The following COL11A1 variants were observed in gnomAD, a reference collection of about 807,000 sequenced individuals.
COL11A1 encodes collagen alpha-1(XI) chain.
COL11A1 carries 74 observed loss-of-function variants against 265.2 expected under a neutral mutation model. That is an observed-to-expected ratio of 0.28 (90% CI 0.23 to 0.34). The LOEUF (loss-of-function observed/expected upper bound fraction) is 0.34. Ranked by LOEUF, COL11A1 falls within the 10% of genes least tolerant of loss-of-function variation. The pLI, the probability that COL11A1 is intolerant of heterozygous loss-of-function variation, is 1.00. For synonymous variants in COL11A1, 816 were observed against 727.6 expected (o/e 1.12, Z -1.96); for missense variants, 2,165 against 2,263.6 (o/e 0.96, Z 0.88).
intron 3 of COL11A1, among the ~76,000 whole-genome samples, chr1:103,076,405 A>T (rs1412849065): frequency 6.6e-6 from 1 of 152,074 alleles, no homozygotes. Flanking sequence ...TAAAACTATC[A>T]AATACAATAC....
intron 4 of COL11A1, among the ~76,000 whole-genome samples, chr1:103,058,419 G>C (rs1670402482): frequency 1.3e-5 from 2 of 152,176 alleles, no homozygotes; most frequent in African/African-American, 4.8e-5. Context: ...ATGTTCACTA[G>C]AGTAGTACTT....
At chr1:103,104,558 C>T (rs1444688152) in intron 1 of COL11A1, among the ~76,000 whole-genome samples, 1 of 152,030 alleles carries the variant, frequency 6.6e-6, no homozygotes, top group Non-Finnish European at 1.5e-5. Flanking sequence ...TATAAAGTAT[C>T]CCCTCAGTTA....
intron 35 of COL11A1, among the ~76,000 whole-genome samples, chr1:102,978,169 C>A (rs1004075447): frequency 5.3e-5 from 8 of 152,042 alleles, no homozygotes; most frequent in African/African-American, 1.9e-4. Flanking sequence ...GCCAAAAAAT[C>A]CAAACAAAGG....
At chr1:102,976,015 T>G (rs923206000) in intron 35 of COL11A1, among the ~76,000 whole-genome samples, 2 of 152,198 alleles carry the variant, frequency 1.3e-5, no homozygotes, top group Non-Finnish European at 2.9e-5. Context: ...CTTAGGAACT[T>G]ACAAAATTTT....
At chr1:102,931,416 T>G (rs529569265) in intron 46 of COL11A1, among the ~76,000 whole-genome samples, 280 of 151,256 alleles carry the variant, frequency 1.9e-3, no homozygotes, top group Non-Finnish European at 3.6e-3. Flanking sequence ...AGTGAGATTC[T>G]TAATCCTGAG....
intron 44 of COL11A1, 147 bp from the exon 45 acceptor site, chr1:102,935,260 C>G (rs1283687591): frequency 1.5e-6 from 1 of 659,164 alleles, no homozygotes; most frequent in African/African-American, 1.8e-5. Context: ...TTTGCATTTA[C>G]TGCAATCATT....
chr1:102,936,116 G>GATAA (rs1658114670), intron 44 of COL11A1, among the ~76,000 whole-genome samples: 1 of 151,830 alleles, frequency 6.6e-6, no homozygotes, highest in East Asian at 1.9e-4. Context: ...TATTGATGAG[G>GATAA]CTTTGAAAGT....
At chr1:103,073,640 T>C (rs12735139) in intron 4 of COL11A1, among the ~76,000 whole-genome samples, 7,889 of 151,900 alleles carry the variant, frequency 0.052, 217 homozygotes, top group Middle Eastern at 0.092. Flanking sequence ...AAATAAATAA[T>C]ATGGAACTTT....
intron 38 of COL11A1, among the ~76,000 whole-genome samples, chr1:102,963,671 G>A (rs933047206): frequency 2.6e-5 from 4 of 151,814 alleles, no homozygotes; most frequent in African/African-American, 9.7e-5. Context: ...CTTGGATAAG[G>A]TATACACCTG....
intron 20 of COL11A1, among the ~76,000 whole-genome samples, chr1:103,003,600 C>T (rs140618271): frequency 3.9e-5 from 6 of 152,078 alleles, no homozygotes; most frequent in South Asian, 2.1e-4. Flanking sequence ...GTGACAGCAT[C>T]GAACATTATT....
At chr1:102,978,978 T>G in intron 33 of COL11A1, 65 bp from the exon 34 acceptor site, 1 of 1,609,896 alleles carries the variant, frequency 6.2e-7, no homozygotes, top group South Asian at 1.1e-5. Flanking sequence ...ACTAAATCAA[T>G]TTTTATTTTT....
intron 20 of COL11A1, among the ~76,000 whole-genome samples, chr1:103,003,810 T>C (rs77381436): frequency 0.012 from 1,846 of 152,214 alleles, 45 homozygotes; most frequent in African/African-American, 0.042. Context: ...CTCTTCTTTT[T>C]CCCCCTCCTG....
At chr1:103,035,144 C>A (rs1668264439) in intron 4 of COL11A1, among the ~76,000 whole-genome samples, 1 of 152,038 alleles carries the variant, frequency 6.6e-6, no homozygotes, top group African/African-American at 2.4e-5. Flanking sequence ...CAAAGTCAAC[C>A]ATATTTGAAA....
chr1:102,935,110 G>C lies in COL11A1; in HGVS notation c.3442C>G (p.Pro1148Ala), dbSNP rs764581778. The change falls in exon 45 of 67, where the codon CCT becomes GCT. Residue 1148 changes from proline (P) to alanine (A), a missense_variant. Transcript: ENST00000370096. ...CCTTGAAGACCTGGGGGACCGGGAG[G>C]GCCCTGCAGTGAGATAAAAATAAGT... ...GSKGDKGENG[P>A]PGPPGLQGPV... is the part of the protein sequence containing the mutation. 1.2e-6 allele frequency: 2 copies of C among 1,613,842 alleles called. No individual in the cohort carries two copies. The highest frequency in any genetic ancestry group is 4.5e-5 in the East Asian group (2 of 44,858).
At chr1:102,984,219 G>A in intron 30 of COL11A1, 28 bp from the exon 31 acceptor site, 1 of 1,421,750 alleles carries the variant, frequency 7.0e-7, no homozygotes, top group Non-Finnish European at 9.8e-7. Context: ...AATAATCAAA[G>A]TAATATTTTA....
intron 1 of COL11A1, among the ~76,000 whole-genome samples, chr1:103,094,035 C>A (rs1673543557): frequency 6.6e-6 from 1 of 152,066 alleles, no homozygotes; most frequent in South Asian, 2.1e-4. Flanking sequence ...CAATAAATTC[C>A]TCCTGAAGAA....
chr1:103,019,309 G>T (rs901149710), intron 9 of COL11A1, among the ~76,000 whole-genome samples: 1 of 151,942 alleles, frequency 6.6e-6, no homozygotes, highest in Non-Finnish European at 1.5e-5. Flanking sequence ...AAAAATCCAG[G>T]CAAAAGGAAA....
chr1:102,955,076 G>A (rs1660241557), intron 41 of COL11A1, among the ~76,000 whole-genome samples: 1 of 152,108 alleles, frequency 6.6e-6, no homozygotes, highest in African/African-American at 2.4e-5. Flanking sequence ...CTAGTTGGAT[G>A]TAATCATAGT....
intron 46 of COL11A1, 141 bp from the exon 47 acceptor site, chr1:102,923,530 T>C: frequency 3.0e-6 from 2 of 670,860 alleles, no homozygotes; most frequent in East Asian, 2.8e-5. Flanking sequence ...TTTGTTAAAA[T>C]ACCTACTATG....
Sources: allele counts gnomAD v4.1 joint callset (sites outside exome capture counted in the v4.1 genomes callset), GRCh38; gene constraint gnomAD v4.1.1; transcripts MANE v1.5; gene names NCBI Gene and HGNC (gene_info 2026-07-23, HGNC 2026-07-21).